Variants in IPCEF1 observed in about 807,000 individuals in gnomAD.
IPCEF1 encodes interactor protein for cytohesin exchange factors 1.
Under a neutral mutation model 50.9 loss-of-function variants are expected in IPCEF1, and 31 were observed. That is an observed-to-expected ratio of 0.61 (90% CI 0.46 to 0.82). IPCEF1 has a LOEUF of 0.82. Among genes scored for constraint, IPCEF1 ranks in the 40% least tolerant of loss-of-function variants. The pLI, the probability that IPCEF1 is intolerant of heterozygous loss-of-function variation, is 0.00. For missense variants in IPCEF1, 458 were observed against 514.0 expected (o/e 0.89, Z 1.05); for synonymous variants, 181 against 192.0 (o/e 0.94, Z 0.47).
Position 154,275,887 on chromosome 6 carries a change from A to G in IPCEF1, c.-17-9923T>C, listed in dbSNP as rs949331541. 3.3e-5 allele frequency among the ~76,000 whole-genome samples: 5 copies of G among 152,176 alleles called. No individual in the cohort carries two copies. The East Asian group carries it at 9.6e-4, about 29-fold the overall frequency. On this transcript the variant is annotated intron_variant, in intron 2 of 11. Transcript: ENST00000367220. Reference sequence around the variant, plus strand: ...CTGGCTAGATTTTTCCTTAAGAAATATCATTTTAGGGGCCGGGCACAGTGA... The same window carrying G: ...CTGGCTAGATTTTTCCTTAAGAAATGTCATTTTAGGGGCCGGGCACAGTGA...
Position 154,199,777 on chromosome 6 carries a change from T to C in IPCEF1, c.801A>G (p.Glu267=). Residue 267 remains glutamate (E), a synonymous_variant, in exon 10 of 12, where the codon GAA becomes GAG. Coordinates refer to ENST00000367220, the MANE Select transcript of IPCEF1 (RefSeq NM_001130700.2). ...TAGATAAAGAGTTCAAAAATCCACT[T>C]TCTGATGTGACAAAACTGTTTTCCA... ...KALENSFVTS[E]SGFLNSLSSD... 6.2e-7 allele frequency: 1 copy of C among 1,614,248 alleles called. No homozygotes were observed. The highest frequency in any genetic ancestry group is 8.5e-7 in the Non-Finnish European group (1 of 1,180,044).
intron 1 of IPCEF1, among the ~76,000 whole-genome samples, chr6:154,303,490 AACG>A (rs1782851267): frequency 6.6e-6 from 1 of 152,154 alleles, no homozygotes; most frequent in Non-Finnish European, 1.5e-5. Context: ...CTCCAATTTT[AACG>A]ACATAATACA....
At chr6:154,350,036 G>A (rs953041222) in intron 1 of IPCEF1, among the ~76,000 whole-genome samples, 1 of 152,166 alleles carries the variant, frequency 6.6e-6, no homozygotes, top group African/African-American at 2.4e-5. Context: ...TCAAGAATAT[G>A]CTTGAAATCC....
intron 2 of IPCEF1, among the ~76,000 whole-genome samples, chr6:154,273,547 G>A (rs1275709555): frequency 6.6e-6 from 1 of 152,024 alleles, no homozygotes; most frequent in African/African-American, 2.4e-5. Flanking sequence ...ACCTGTCAAG[G>A]CAAAGCAGGA....
At chr6:154,293,002 A>G (rs1782550984) in intron 1 of IPCEF1, among the ~76,000 whole-genome samples, 1 of 152,238 alleles carries the variant, frequency 6.6e-6, no homozygotes, top group Admixed American at 6.5e-5. Flanking sequence ...TGAAGGAGTC[A>G]TCTGTATGTT....
chr6:154,195,999 C>T (rs558525044), intron 10 of IPCEF1, among the ~76,000 whole-genome samples: 15 of 152,036 alleles, frequency 9.9e-5, no homozygotes, highest in African/African-American at 2.9e-4. Flanking sequence ...ACTATGTTGG[C>T]CAGGCTGGTC....
intron 5 of IPCEF1, among the ~76,000 whole-genome samples, chr6:154,243,417 A>G (rs554759861): frequency 1.2e-4 from 19 of 152,314 alleles, no homozygotes; most frequent in Admixed American, 3.3e-4. Context: ...ACCTTTCTCA[A>G]TGAATTCTAG....
At chr6:154,190,070 G>C (rs1801735201) in intron 10 of IPCEF1, among the ~76,000 whole-genome samples, 1 of 152,086 alleles carries the variant, frequency 6.6e-6, no homozygotes, top group Admixed American at 6.6e-5. Flanking sequence ...TCATCAAACT[G>C]AATATTCTGC....
chr6:154,339,667 G>A (rs999110022), intron 1 of IPCEF1, among the ~76,000 whole-genome samples: 1 of 152,036 alleles, frequency 6.6e-6, no homozygotes, highest in Non-Finnish European at 1.5e-5. Context: ...GCAGCTCACT[G>A]CAGTCTCAAA....
At position 154,199,700 on chromosome 6, in the gene IPCEF1, T is replaced by C; in HGVS notation, c.878A>G (p.Asp293Gly). 6.2e-7 allele frequency: 1 copy of C among 1,613,476 alleles called. No homozygotes were observed. The highest frequency in any genetic ancestry group is 8.5e-7 in the Non-Finnish European group (1 of 1,179,556). Reference protein sequence around the residue: ...SSNHDHLTVPDKPAGSKIMDK... With the variant: ...SSNHDHLTVPGKPAGSKIMDK... ...CATGATCTTTGATCCAGCAGGCTTA[T>C]CTGGGACAGTAAGATGGTCATGATT... The change falls in exon 10 of 12, where the codon GAT becomes GGT. Residue 293 changes from aspartate to glycine, a missense_variant. By Grantham distance (94) the Asp-to-Gly change is moderately conservative. Transcript: ENST00000367220.
At chr6:154,300,764 C>T (rs950079156) in intron 1 of IPCEF1, among the ~76,000 whole-genome samples, 3 of 152,216 alleles carry the variant, frequency 2.0e-5, no homozygotes, top group Non-Finnish European at 4.4e-5. Flanking sequence ...TTTTATGCCC[C>T]TTAGCAAATT....
chr6:154,262,267 A>G (rs7757439), intron 3 of IPCEF1, among the ~76,000 whole-genome samples: 145,412 of 152,346 alleles, frequency 0.95, 69,427 homozygotes, highest in East Asian at 1. Context: ...AATAGAATTC[A>G]TTTGTACACA....
intron 1 of IPCEF1, among the ~76,000 whole-genome samples, chr6:154,291,144 G>T (rs184326296): frequency 6.6e-6 from 1 of 151,958 alleles, no homozygotes; most frequent in Non-Finnish European, 1.5e-5. Context: ...CACCCGTCTC[G>T]GCCTCCCAAA....
chr6:154,235,531 C>CAAAA (rs34877577), intron 5 of IPCEF1, among the ~76,000 whole-genome samples: 17 of 97,458 alleles, frequency 1.7e-4, no homozygotes, highest in African/African-American at 3.3e-4. Flanking sequence ...AACTCTGTCA[C>CAAAA]AAAAAAAAAA....
rs1372246182 is a variant in IPCEF1 at position 154,158,523 on chromosome 6, T to G, written c.*1305A>C. ...ATAATCTAAGATGAAAGTCCTTTGC[T>G]GGTTAAAAGAGTGACTTACAAGAGA... On this transcript the variant is annotated 3_prime_UTR_variant, in exon 12 of 12. Coordinates refer to ENST00000367220, the MANE Select transcript of IPCEF1 (RefSeq NM_001130700.2). The G allele has an allele frequency of 4.6e-5, 7 of 152,200 alleles. No homozygotes were observed. The highest frequency in any genetic ancestry group is 1.7e-4 in the African/African-American group (7 of 41,444). 9.4% of individuals were successfully genotyped at this position (152,200 alleles called of 1,614,324 possible). A position where few individuals can be genotyped will look rare whatever the true frequency, so the allele number is the denominator to read the frequency against.
At chr6:154,296,877 T>C (rs1402407232) in intron 1 of IPCEF1, among the ~76,000 whole-genome samples, 1 of 151,392 alleles carries the variant, frequency 6.6e-6, no homozygotes, top group African/African-American at 2.4e-5. Flanking sequence ...TCAACGGTTT[T>C]GGATAAAAAC....
In IPCEF1 at chr6:154,208,447, T is replaced by C. The variant is rs560414559; in HGVS notation, c.537+4323A>G. 1.5e-3 allele frequency among the ~76,000 whole-genome samples: 228 copies of C among 152,322 alleles called. 1 individual carries two copies. The highest frequency in any genetic ancestry group is 5.2e-3 in the African/African-American group (218 of 41,576). ...ACAACCCAATCTCTACCCCATCACA[T>C]CCTGACTCACTGGACTCCACTTCTG... On this transcript the variant is annotated intron_variant, in intron 9 of 11. Transcript: ENST00000367220.
In IPCEF1 at chr6:154,356,657, A is replaced by G. The variant is rs988156580; in HGVS notation, c.-62+15T>C. On this transcript the variant is annotated intron_variant, in intron 1 of 11. Coordinates refer to ENST00000367220, the MANE Select transcript of IPCEF1 (RefSeq NM_001130700.2). ...GTTACCTCTCATACATCAGCCAAGA[A>G]GTGACGTTACTTACATGCAATACAA... 3 of 152,244 alleles carry G rather than the reference A, an allele frequency of 2.0e-5. No homozygotes were observed. Among genetic ancestry groups the G allele is most frequent in the Non-Finnish European group, 4.4e-5 (3 of 68,072 alleles). 9.4% of individuals were successfully genotyped at this position (152,244 alleles called of 1,614,324 possible). A position where few individuals can be genotyped will look rare whatever the true frequency, so the allele number is the denominator to read the frequency against.
chr6:154,232,612 G>T (rs1016578846), intron 5 of IPCEF1, among the ~76,000 whole-genome samples: 3 of 152,110 alleles, frequency 2.0e-5, no homozygotes, highest in Non-Finnish European at 4.4e-5. Context: ...GCTAAAATAG[G>T]CTCAGGAACT....
Sources: allele counts gnomAD v4.1 joint callset (sites outside exome capture counted in the v4.1 genomes callset), GRCh38; gene constraint gnomAD v4.1.1; transcripts MANE v1.5; gene names NCBI Gene and HGNC (gene_info 2026-07-23, HGNC 2026-07-21).